The following ZBTB7C variants were observed in gnomAD, a reference collection of about 807,000 sequenced individuals.
The protein encoded by ZBTB7C is zinc finger and BTB domain-containing protein 7C.
Under a neutral mutation model 25.7 loss-of-function variants are expected in ZBTB7C, and 8 were observed. That is an observed-to-expected ratio of 0.31 (90% CI 0.18 to 0.56). The LOEUF (loss-of-function observed/expected upper bound fraction) is 0.56, where lower values mean the gene tolerates loss of function less well. ZBTB7C is among the 20% of genes least tolerant of loss of function. ZBTB7C has a pLI of 0.91. For synonymous variants in ZBTB7C, 394 were observed against 369.0 expected, an observed-to-expected ratio of 1.07 and a Z score of -0.78; for missense variants, 824 against 855.2, an observed-to-expected ratio of 0.96 and a Z score of 0.46.
chr18:48,204,534 G>A (rs1188177001), intron 2 of ZBTB7C, among the ~76,000 whole-genome samples: 3 of 152,094 alleles, frequency 2.0e-5, no homozygotes, highest in Non-Finnish European at 2.9e-5. Context: ...TGATAGAGCC[G>A]GAACTTAAAC....
intron 2 of ZBTB7C, among the ~76,000 whole-genome samples, chr18:48,265,021 A>AG (rs1286778625): frequency 6.6e-6 from 1 of 152,166 alleles, no homozygotes; most frequent in African/African-American, 2.4e-5. Flanking sequence ...ATGGGGTAGG[A>AG]GGAGGGATCT....
At chr18:48,208,344 C>T (rs1292169779) in intron 2 of ZBTB7C, among the ~76,000 whole-genome samples, 4 of 151,980 alleles carry the variant, frequency 2.6e-5, no homozygotes, top group East Asian at 1.9e-4. Context: ...CCACCAATGC[C>T]GTTCCTGGAG....
In ZBTB7C at chr18:48,040,417, G is replaced by C. The variant is rs2036175195; in HGVS notation, c.691C>G (p.Leu231Val). The C allele has an allele frequency of 6.2e-7, 1 of 1,610,320 alleles. No individual in the cohort carries two copies. Among genetic ancestry groups the C allele is most frequent in the Admixed American group, 1.7e-5 (1 of 59,646 alleles). Residue 231 changes from leucine (L) to valine (V), a missense_variant, in exon 4 of 5, where the codon CTA (leucine) becomes GTA (valine). Physicochemically the swap from Leu to Val is conservative, Grantham distance 32 (BLOSUM62 1). Coordinates refer to ENST00000590800, the MANE Select transcript of ZBTB7C (RefSeq NM_001318841.2). ...GCCTTGGGGTACAGGTTCTCCCTTA[G>C]CAGAGATTCGATGGAGAAGTCCCGG... ...VIRDFSIESL[L>V]RENLYPKANI...
At chr18:48,309,979 C>G (rs1445918544) in intron 2 of ZBTB7C, among the ~76,000 whole-genome samples, 1 of 152,150 alleles carries the variant, frequency 6.6e-6, no homozygotes, top group Non-Finnish European at 1.5e-5. Context: ...CCTGTAATCC[C>G]AGCACTTTGG....
chr18:48,394,806 T>C (rs1285652901), intron 1 of ZBTB7C, among the ~76,000 whole-genome samples: 1 of 152,236 alleles, frequency 6.6e-6, no homozygotes, highest in Admixed American at 6.5e-5. Context: ...TTTGAAATTA[T>C]GAACCCATAA....
At chr18:48,037,468 G>C (rs1027093780) in intron 4 of ZBTB7C, among the ~76,000 whole-genome samples, 4 of 152,258 alleles carry the variant, frequency 2.6e-5, no homozygotes, top group Non-Finnish European at 5.9e-5. Context: ...CCCACTCCCA[G>C]AGAATGTCCC....
At chr18:48,149,933 A>T (rs1219422903) in intron 3 of ZBTB7C, 1 of 151,108 alleles carries the variant, frequency 6.6e-6, no homozygotes, top group Non-Finnish European at 1.5e-5. Flanking sequence ...CCTCCTGAGT[A>T]GCTAGGATTA....
chr18:48,224,245 T>C (rs921768568), intron 2 of ZBTB7C, among the ~76,000 whole-genome samples: 3 of 152,168 alleles, frequency 2.0e-5, no homozygotes, highest in Non-Finnish European at 4.4e-5. Flanking sequence ...TCCATACTCA[T>C]AGGCTCAGCA....
chr18:48,149,094 T>A (rs1033184807), intron 3 of ZBTB7C: 1 of 151,858 alleles, frequency 6.6e-6, no homozygotes, highest in Non-Finnish European at 1.5e-5. Flanking sequence ...GGAGGAAGGG[T>A]AGTAACAGGG....
At chr18:48,203,147 C>T (rs528085188) in intron 2 of ZBTB7C, among the ~76,000 whole-genome samples, 2 of 152,282 alleles carry the variant, frequency 1.3e-5, no homozygotes, top group East Asian at 1.9e-4. Flanking sequence ...AGAGTCTTCC[C>T]CCTTTTCTGC....
intron 3 of ZBTB7C, among the ~76,000 whole-genome samples, chr18:48,156,892 G>C (rs2040856289): frequency 6.6e-6 from 1 of 152,060 alleles, no homozygotes; most frequent in Non-Finnish European, 1.5e-5. Flanking sequence ...GGGATGGAGA[G>C]TGGACCCCAT....
At chr18:48,224,958 G>A (rs1327403407) in intron 2 of ZBTB7C, among the ~76,000 whole-genome samples, 1 of 152,036 alleles carries the variant, frequency 6.6e-6, no homozygotes, top group Non-Finnish European at 1.5e-5. Context: ...GAATATTTTG[G>A]TGACTTAAAT....
intron 3 of ZBTB7C, among the ~76,000 whole-genome samples, chr18:48,132,572 AATT>A (rs2040019820): frequency 6.6e-6 from 1 of 152,222 alleles, no homozygotes; most frequent in Non-Finnish European, 1.5e-5. Context: ...ATGCTATGTG[AATT>A]ATATCTCAAT....
intron 2 of ZBTB7C, among the ~76,000 whole-genome samples, chr18:48,231,793 T>G (rs564779662): frequency 6.6e-6 from 1 of 152,158 alleles, no homozygotes; most frequent in African/African-American, 2.4e-5. Flanking sequence ...ACCAAGGAGC[T>G]CCCTGAGCCA....
chr18:48,281,819 T>C (rs2044862086), intron 2 of ZBTB7C, among the ~76,000 whole-genome samples: 1 of 149,850 alleles, frequency 6.7e-6, no homozygotes, highest in South Asian at 2.1e-4. Context: ...CAACAGGTGC[T>C]GGAGAGGATG....
At chr18:48,344,172 C>G (rs541702162) in intron 1 of ZBTB7C, among the ~76,000 whole-genome samples, 4 of 152,096 alleles carry the variant, frequency 2.6e-5, no homozygotes, top group Non-Finnish European at 5.9e-5. Flanking sequence ...TTAGTAGAGA[C>G]GGGGTTTCAC....
At position 48,327,624 on chromosome 18, in the gene ZBTB7C, T is replaced by C. The variant is rs145919992; in HGVS notation, c.-79+10550A>G. 4.4e-4 allele frequency among the ~76,000 whole-genome samples: 67 copies of C among 152,294 alleles called. No homozygotes were observed. In the East Asian group the frequency reaches 9.3e-3, roughly 21 times the overall value. ...GGTACAATGCCCCACAACCTGGCATTGCTAAGCCACAGTACTTGGAGAAGA... is the reference window on the plus strand; with the variant it reads ...GGTACAATGCCCCACAACCTGGCATCGCTAAGCCACAGTACTTGGAGAAGA... On this transcript the variant is annotated intron_variant, in intron 2 of 4. Coordinates refer to ENST00000590800, the MANE Select transcript of ZBTB7C (RefSeq NM_001318841.2).
At chr18:48,403,114 G>A (rs564861367) in intron 1 of ZBTB7C, among the ~76,000 whole-genome samples, 2 of 152,234 alleles carry the variant, frequency 1.3e-5, no homozygotes, top group African/African-American at 2.4e-5. Flanking sequence ...TGAATGAAGC[G>A]GGTGGAAAAA....
At chr18:48,291,109 T>A (rs905502752) in intron 2 of ZBTB7C, among the ~76,000 whole-genome samples, 1 of 152,218 alleles carries the variant, frequency 6.6e-6, no homozygotes, top group Non-Finnish European at 1.5e-5. Flanking sequence ...TCAAATGCAC[T>A]GGCATCTTGG....
Sources: allele counts gnomAD v4.1 joint callset (sites outside exome capture counted in the v4.1 genomes callset), GRCh38; gene constraint gnomAD v4.1.1; transcripts MANE v1.5; gene names NCBI Gene and HGNC (gene_info 2026-07-23, HGNC 2026-07-21).